Variants in POLE4 observed in about 807,000 individuals in gnomAD.
POLE4 encodes the protein DNA polymerase epsilon subunit 4.
Under a neutral mutation model 15.6 loss-of-function variants are expected in POLE4, and 15 were observed. The observed-to-expected ratio is 0.96, with a 90% CI of 0.64 to 1.48. The LOEUF is 1.48. Ranked by LOEUF, POLE4 falls within the 40% of genes most tolerant of loss-of-function variation. The pLI, the probability that POLE4 is intolerant of heterozygous loss-of-function variation, is 0.00. For missense variants in POLE4, 205 were observed against 151.9 expected (o/e 1.35, Z -1.84); for synonymous variants, 83 against 63.2 (o/e 1.31, Z -1.49).
At position 74,963,104 on chromosome 2, in the gene POLE4, A is replaced by G. The variant is rs572701413; in HGVS notation, c.340+2958A>G. 3.3e-5 allele frequency among the ~76,000 whole-genome samples: 5 copies of G among 152,356 alleles called. No homozygotes were observed. In the South Asian group the frequency reaches 1.0e-3, roughly 32 times the overall value. ...CAATTTGCTGTGAACAATCTTGTAC[A>G]TATTTCTCTAGGGTGGATGTATATG... On this transcript the variant is annotated intron_variant, in intron 3 of 3. Coordinates refer to ENST00000483063, the MANE Select transcript of POLE4 (RefSeq NM_019896.4).
intron 1 of POLE4, 64 bp from the exon 2 acceptor site, chr2:74,959,277 C>G: frequency 9.6e-7 from 1 of 1,046,940 alleles, no homozygotes; most frequent in Non-Finnish European, 1.5e-6. Context: ...ACCCACAAAC[C>G]GGAGCCCTCA....
chr2:74,964,300 A>G (rs1351720099), intron 3 of POLE4, among the ~76,000 whole-genome samples: 1 of 152,112 alleles, frequency 6.6e-6, no homozygotes, highest in Non-Finnish European at 1.5e-5. Flanking sequence ...TTTTCTAAGT[A>G]TCTTTGCTAT....
chr2:74,959,313 A>G (rs773422964), intron 1 of POLE4, 28 bp from the exon 2 acceptor site: 8 of 1,504,432 alleles, frequency 5.3e-6, no homozygotes, highest in Non-Finnish European at 7.4e-6. Flanking sequence ...AGAACCCATT[A>G]CTAAAACTTT....
intron 1 of POLE4, 54 bp from the exon 2 acceptor site, chr2:74,959,287 A>G (rs1488441423): frequency 2.5e-6 from 3 of 1,182,762 alleles, no homozygotes; most frequent in Non-Finnish European, 3.7e-6. Context: ...CGGAGCCCTC[A>G]CCTCCTCAGT....
rs189510813 is a variant in POLE4 at position 74,967,212 on chromosome 2, T to C, written c.341-2197T>C. ...CTCTCTGGGATTCCCATTAAATATA[T>C]GTAAAAACTCAATCATAATTTTGCC... On this transcript the variant is annotated intron_variant, in intron 3 of 3. Coordinates refer to ENST00000483063, the MANE Select transcript of POLE4 (RefSeq NM_019896.4). Among the ~76,000 whole-genome samples, 22 of 152,292 alleles carry C rather than the reference T, an allele frequency of 1.4e-4. No homozygotes were observed. The East Asian group carries it at 4.2e-3, about 29-fold the overall frequency.
At chr2:74,964,834 A>G (rs1260346604) in intron 3 of POLE4, among the ~76,000 whole-genome samples, 4 of 152,046 alleles carry the variant, frequency 2.6e-5, no homozygotes, top group African/African-American at 7.2e-5. Context: ...TTATCTTTAT[A>G]TATTTTTTTC....
intron 3 of POLE4, chr2:74,961,194 A>G (rs1671216079): frequency 6.6e-6 from 1 of 152,208 alleles, no homozygotes; most frequent in African/African-American, 2.4e-5. Context: ...TACCTCCTTC[A>G]AGCCTTATTA....
At chr2:74,965,762 A>G (rs1052944308) in intron 3 of POLE4, among the ~76,000 whole-genome samples, 7 of 152,182 alleles carry the variant, frequency 4.6e-5, no homozygotes, top group Admixed American at 1.3e-4. Flanking sequence ...TGTTATTTCT[A>G]ACTGCTTTGA....
At chr2:74,959,166 C>CT in intron 1 of POLE4, 175 bp from the exon 2 acceptor site, 1 of 617,484 alleles carries the variant, frequency 1.6e-6, no homozygotes, top group Non-Finnish European at 2.9e-6. Context: ...AGGGAGAATA[C>CT]TGGGAAGAGG....
chr2:74,958,698 G>T lies in POLE4; in HGVS notation c.19G>T (p.Ala7Ser). The change falls in exon 1 of 4, where the codon GCA (alanine) becomes TCA (serine). Residue 7 changes from alanine (A) to serine (S), a missense_variant. By Grantham distance (99) the Ala-to-Ser change is moderately conservative. Transcript: ENST00000483063. The part of the protein sequence containing the change: MAAAAA[A>S]GSGTPREEEG... ...GGCCGGGATGGCGGCGGCGGCGGCG[G>T]CAGGAAGCGGGACGCCCCGAGAGGA... 6.8e-7 allele frequency: 1 copy of T among 1,473,562 alleles called. No individual in the cohort carries two copies. The allele number at this position is 1,473,562 out of a possible 1,614,324, so 91.3% of individuals were successfully genotyped here.
At chr2:74,959,239 C>T (rs545266293) in intron 1 of POLE4, 102 bp from the exon 2 acceptor site, 13 of 704,578 alleles carry the variant, frequency 1.8e-5, no homozygotes, top group South Asian at 3.5e-5. Context: ...TTTCTTGCCC[C>T]GAGCCTTTCT....
Position 74,958,817 on chromosome 2 carries a change from GA to G in POLE4, c.140del (p.Lys47ArgfsTer4). Reference sequence around the variant, plus strand: ...TCTCGAGGTTGCCTCTGGCGCGAGTGAAGGCCTTGGTGAAGGCAGATCCCGA... The same window carrying G: ...TCTCGAGGTTGCCTCTGGCGCGAGTGAGGCCTTGGTGAAGGCAGATCCCGA... ...RLSRLPLARV[K>X]ALVKADPDVT... is the part of the protein sequence containing the mutation. On this transcript the variant is annotated frameshift_variant, in exon 1 of 4. Coordinates refer to ENST00000483063, the MANE Select transcript of POLE4 (RefSeq NM_019896.4). LOFTEE classifies it high-confidence loss of function. The G allele has an allele frequency of 6.4e-7, 1 of 1,557,564 alleles. No homozygotes were observed. Among genetic ancestry groups the G allele is most frequent in the Non-Finnish European group, 8.7e-7 (1 of 1,150,674 alleles).
intron 3 of POLE4, among the ~76,000 whole-genome samples, chr2:74,962,592 A>G (rs938519187): frequency 2.0e-5 from 3 of 152,156 alleles, no homozygotes; most frequent in Non-Finnish European, 2.9e-5. Flanking sequence ...GTGTATATGT[A>G]TATTCTTTTT....
At chr2:74,962,476 C>G (rs958195083) in intron 3 of POLE4, among the ~76,000 whole-genome samples, 3 of 152,206 alleles carry the variant, frequency 2.0e-5, no homozygotes, top group Admixed American at 2.0e-4. Context: ...CAGTCTTTCT[C>G]TACCTTCTCT....
Position 74,959,384 on chromosome 2 carries a change from C to T in POLE4, c.257C>T (p.Ala86Val). ...ETIAKDAYCC[A>V]QQGKRKTLQR... is the part of the protein sequence containing the mutation. ...ATTGCAAAAGATGCCTACTGTTGCG[C>T]TCAGCAGGGAAAAAGGAAAACCCTT... is the stretch of plus-strand genomic sequence containing the variant. Residue 86 changes from alanine to valine, a missense_variant, in exon 2 of 4, where the codon GCT (alanine) becomes GTT (valine). By Grantham distance (64) the Ala-to-Val change is moderately conservative. Transcript: ENST00000483063. The T allele has an allele frequency of 6.2e-7, 1 of 1,613,824 alleles. No homozygotes were observed. Among genetic ancestry groups the T allele is most frequent in the Non-Finnish European group, 8.5e-7 (1 of 1,179,736 alleles).
intron 3 of POLE4, among the ~76,000 whole-genome samples, chr2:74,961,934 T>C (rs1671226331): frequency 6.6e-6 from 1 of 152,212 alleles, no homozygotes; most frequent in African/African-American, 2.4e-5. Context: ...GTTTTTATAA[T>C]ACATATCCAT....
rs528770146 is a variant in POLE4, at chr2:74,958,681, TGGC to T, written c.18_20del (p.Ala7?). On this transcript the variant is annotated start_lost and inframe_deletion, in exon 1 of 4. Coordinates refer to ENST00000483063, the MANE Select transcript of POLE4 (RefSeq NM_019896.4). ...GCGCGCAGCACGCTCAAGGCCGGGA[TGGC>T]GGCGGCGGCGGCGGCAGGAAGCGGG... 2.2e-4 allele frequency: 317 copies of T among 1,453,150 alleles called. No individual in the cohort carries two copies. The highest frequency in any genetic ancestry group is 1.4e-3 in the Admixed American group (47 of 33,240). 90.0% of individuals were successfully genotyped at this position (1,453,150 alleles called of 1,614,324 possible).
intron 3 of POLE4, chr2:74,960,727 A>G: frequency 2.4e-6 from 1 of 409,590 alleles, no homozygotes; most frequent in East Asian, 7.1e-5. Flanking sequence ...ACTCTTCACT[A>G]CACGTATGTA....
chr2:74,965,014 A>T (rs1671275761), intron 3 of POLE4, among the ~76,000 whole-genome samples: 1 of 151,960 alleles, frequency 6.6e-6, no homozygotes, highest in Non-Finnish European at 1.5e-5. Flanking sequence ...CCCTGTTTAT[A>T]AAAGAGATTA....
Sources: gnomAD v4.1 joint callset for allele counts (sites outside exome capture counted in the v4.1 genomes callset) on GRCh38, gnomAD v4.1.1 for gene constraint, MANE v1.5 for transcripts, NCBI Gene and HGNC (gene_info 2026-07-23, HGNC 2026-07-21) for gene names.